Variants in PCSK5 observed in about 807,000 individuals in gnomAD.
PCSK5 encodes proprotein convertase subtilisin/kexin type 5.
In PCSK5, 129 loss-of-function variants were observed where a neutral mutation model predicts 233.2. The ratio of observed to expected loss-of-function variants is 0.55; its 90% confidence interval spans 0.48 to 0.64. The LOEUF is 0.64. PCSK5 is among the 30% of genes least tolerant of loss of function. PCSK5 has a pLI of 0.00. For missense variants in PCSK5, 2,076 were observed against 2,430.1 expected, an observed-to-expected ratio of 0.85 and a Z score of 3.06; for synonymous variants, 825 against 879.2, an observed-to-expected ratio of 0.94 and a Z score of 1.09.
At chr9:76,017,326 C>T (rs1281787405) in intron 3 of PCSK5, among the ~76,000 whole-genome samples, 1 of 152,130 alleles carries the variant, frequency 6.6e-6, no homozygotes, top group Non-Finnish European at 1.5e-5. Context: ...TCATCCTCTC[C>T]TTATTTTATG....
intron 35 of PCSK5, among the ~76,000 whole-genome samples, chr9:76,350,564 A>T (rs1266658085): frequency 6.6e-6 from 1 of 152,210 alleles, no homozygotes; most frequent in Non-Finnish European, 1.5e-5. Context: ...ATGATTTCTC[A>T]TTCTCTGAAA....
chr9:75,977,325 T>C (rs1028982139), intron 2 of PCSK5, among the ~76,000 whole-genome samples: 1 of 151,782 alleles, frequency 6.6e-6, no homozygotes, highest in Non-Finnish European at 1.5e-5. Context: ...AGATCATCCC[T>C]TCACCTTGGT....
chr9:76,340,639 CAAAAAAAA>C (rs57319222), intron 35 of PCSK5, among the ~76,000 whole-genome samples: 2 of 95,362 alleles, frequency 2.1e-5, no homozygotes, highest in Admixed American at 1.3e-4. Flanking sequence ...ACGAGACTGT[CAAAAAAAA>C]AAAAAAAAAA....
chr9:76,128,655 G>C (rs1351898198), intron 9 of PCSK5, among the ~76,000 whole-genome samples: 1 of 152,150 alleles, frequency 6.6e-6, no homozygotes, highest in Non-Finnish European at 1.5e-5. Flanking sequence ...CTTCTCTTAA[G>C]TGTGCTTAGA....
intron 1 of PCSK5, among the ~76,000 whole-genome samples, chr9:75,924,945 G>A (rs1823417428): frequency 6.6e-6 from 1 of 152,186 alleles, no homozygotes; most frequent in Non-Finnish European, 1.5e-5. Flanking sequence ...CTCATGTGTA[G>A]ACTAGGGATA....
chr9:75,940,006 A>T (rs954096139), intron 2 of PCSK5, among the ~76,000 whole-genome samples: 1 of 152,144 alleles, frequency 6.6e-6, no homozygotes, highest in Non-Finnish European at 1.5e-5. Context: ...AACATTACTT[A>T]TTGTGGAATC....
chr9:76,154,416 T>C (rs1564066114), intron 10 of PCSK5, among the ~76,000 whole-genome samples: 2 of 152,286 alleles, frequency 1.3e-5, no homozygotes, highest in East Asian at 3.9e-4. Flanking sequence ...GTCCTCATGG[T>C]TGTTAGGTGG....
chr9:76,335,476 C>G (rs538518560), intron 34 of PCSK5, among the ~76,000 whole-genome samples: 19 of 152,202 alleles, frequency 1.2e-4, no homozygotes, highest in African/African-American at 3.9e-4. Context: ...TTCTCTGCAC[C>G]CTATCCCAAC....
At chr9:76,057,217 A>G (rs910705842) in intron 5 of PCSK5, among the ~76,000 whole-genome samples, 1 of 152,196 alleles carries the variant, frequency 6.6e-6, no homozygotes, top group Non-Finnish European at 1.5e-5. Context: ...CATCATAAAC[A>G]TACCTCTTGC....
intron 5 of PCSK5, among the ~76,000 whole-genome samples, chr9:76,062,486 A>G (rs1830063403): frequency 6.6e-6 from 1 of 152,208 alleles, no homozygotes; most frequent in African/African-American, 2.4e-5. Context: ...CAATGAAATA[A>G]CAATTTTCAT....
intron 20 of PCSK5, chr9:76,193,556 C>G: frequency 4.1e-6 from 2 of 493,778 alleles, no homozygotes; most frequent in South Asian, 6.9e-5. Flanking sequence ...AAAAATAAAA[C>G]TACAACAAGC....
At chr9:76,169,620 C>T in intron 12 of PCSK5, 84 bp from the exon 13 acceptor site, 10 of 1,394,284 alleles carry the variant, frequency 7.2e-6, no homozygotes, top group Non-Finnish European at 1.0e-5. Context: ...CTAATGGATA[C>T]AAAAAACAGT....
chr9:76,310,179 C>T (rs755551781), intron 29 of PCSK5, among the ~76,000 whole-genome samples: 37 of 150,422 alleles, frequency 2.5e-4, no homozygotes, highest in Non-Finnish European at 3.7e-4. Context: ...ACCCGGGAGG[C>T]GGAGGTCGCA....
chr9:76,094,713 G>T (rs1831434682), intron 7 of PCSK5, among the ~76,000 whole-genome samples: 1 of 151,994 alleles, frequency 6.6e-6, no homozygotes, highest in Non-Finnish European at 1.5e-5. Flanking sequence ...AGGTTCAAGC[G>T]ATTCTCGTGC....
intron 1 of PCSK5, among the ~76,000 whole-genome samples, chr9:75,919,230 G>T: frequency 6.6e-6 from 1 of 152,164 alleles, no homozygotes; most frequent in Non-Finnish European, 1.5e-5. Context: ...GCAGCCCTCT[G>T]AGTTTTGCTT....
At chr9:76,064,188 C>T (rs1235333857) in intron 5 of PCSK5, among the ~76,000 whole-genome samples, 1 of 111,504 alleles carries the variant, frequency 9.0e-6, no homozygotes, top group Non-Finnish European at 1.8e-5. Context: ...GGGGGGCTGA[C>T]CCCCCCACCT....
chr9:76,040,164 G>A (rs1829031040), intron 5 of PCSK5, among the ~76,000 whole-genome samples: 1 of 152,080 alleles, frequency 6.6e-6, no homozygotes, highest in African/African-American at 2.4e-5. Flanking sequence ...TCTTGGTTGA[G>A]GACAAAGACT....
intron 24 of PCSK5, among the ~76,000 whole-genome samples, chr9:76,245,625 A>G (rs1826568999): frequency 6.6e-6 from 1 of 152,186 alleles, no homozygotes; most frequent in East Asian, 1.9e-4. Context: ...AATTTTGCAG[A>G]AGGAATGAGG....
intron 31 of PCSK5, among the ~76,000 whole-genome samples, chr9:76,321,893 C>A (rs1487160912): frequency 6.6e-6 from 1 of 152,166 alleles, no homozygotes; most frequent in Non-Finnish European, 1.5e-5. Flanking sequence ...ACACACACAG[C>A]AGATGTGCAA....
Sources: allele counts gnomAD v4.1 joint callset (sites outside exome capture counted in the v4.1 genomes callset), GRCh38; gene constraint gnomAD v4.1.1; transcripts MANE v1.5; gene names NCBI Gene and HGNC (gene_info 2026-07-23, HGNC 2026-07-21).